Variants in ZEB1 observed in about 807,000 individuals in gnomAD.
The protein encoded by ZEB1 is zinc finger E-box-binding homeobox 1.
In ZEB1, 21 loss-of-function variants were observed where a neutral mutation model predicts 84.9. The observed-to-expected ratio is 0.25, with a 90% CI of 0.18 to 0.36. ZEB1 has a LOEUF of 0.36. Ranked by LOEUF, ZEB1 falls within the 10% of genes least tolerant of loss-of-function variation. ZEB1 has a pLI of 1.00. For missense variants in ZEB1, 1,104 were observed against 1,330.2 expected (o/e 0.83, Z 2.65); for synonymous variants, 420 against 471.1 (o/e 0.89, Z 1.41).
intron 1 of ZEB1, among the ~76,000 whole-genome samples, chr10:31,400,392 A>G (rs1460807273): frequency 1.3e-5 from 2 of 152,188 alleles, no homozygotes; most frequent in African/African-American, 4.8e-5. Flanking sequence ...AATGACATGC[A>G]TGGAGCTAAA....
intron 2 of ZEB1, among the ~76,000 whole-genome samples, chr10:31,485,618 AAC>A (rs2065628454): frequency 6.6e-6 from 1 of 151,882 alleles, no homozygotes; most frequent in African/African-American, 2.4e-5. Flanking sequence ...AAAATCTGTA[AAC>A]ACTCCTATTC....
chr10:31,392,359 A>G (rs776235027), intron 1 of ZEB1, among the ~76,000 whole-genome samples: 7 of 152,212 alleles, frequency 4.6e-5, no homozygotes, highest in Non-Finnish European at 8.8e-5. Flanking sequence ...TTAAAAAAGT[A>G]GGTAATTGCC....
intron 1 of ZEB1, among the ~76,000 whole-genome samples, chr10:31,429,697 A>AG (rs2057445309): frequency 6.7e-6 from 1 of 149,110 alleles, no homozygotes; most frequent in South Asian, 2.1e-4. Flanking sequence ...AAAAAAAAAA[A>AG]GCCAGTGAAT....
chr10:31,495,811 G>A lies in ZEB1; in HGVS notation c.295G>A (p.Ala99Thr), dbSNP rs756898403. Residue 99 changes from alanine (A) to threonine (T), a missense_variant, in exon 3 of 9, where the codon GCT becomes ACT. Around this residue, in one of 7 missense-constraint regions of ZEB1, gnomAD observed 162 missense variants for 184.5 expected, o/e 0.88. Coordinates refer to ENST00000424869, the MANE Select transcript of ZEB1 (RefSeq NM_001174096.2). ...KEGQEILGPE[A>T]QADEAGCTVK... ...AGGGCAAGAAATCCTGGGGCCTGAA[G>A]CTCAGGCAGATGAAGCAGGATGTAC... 3.7e-6 allele frequency: 6 copies of A among 1,612,900 alleles called. No homozygotes were observed. In the African/African-American group the frequency reaches 6.7e-5, roughly 18 times the overall value.
At chr10:31,495,929 C>T (rs1271828470) in intron 3 of ZEB1, 91 bp downstream of exon 3, 9 of 1,351,208 alleles carry the variant, frequency 6.7e-6, no homozygotes, top group East Asian at 2.3e-5. Flanking sequence ...GAATTTAGTC[C>T]GTTTCCTTCT....
intron 1 of ZEB1, among the ~76,000 whole-genome samples, chr10:31,449,104 A>C (rs1437829895): frequency 6.6e-6 from 1 of 152,250 alleles, no homozygotes; most frequent in African/African-American, 2.4e-5. Flanking sequence ...GGTGTGGGAT[A>C]TAGTCTCATG....
At chr10:31,419,421 A>C (rs2055773901) in intron 1 of ZEB1, among the ~76,000 whole-genome samples, 1 of 152,168 alleles carries the variant, frequency 6.6e-6, no homozygotes, top group Non-Finnish European at 1.5e-5. Flanking sequence ...GAATAATATA[A>C]GATGACTTGT....
intron 1 of ZEB1, among the ~76,000 whole-genome samples, chr10:31,440,960 T>A (rs2058879143): frequency 6.6e-6 from 1 of 152,010 alleles, no homozygotes; most frequent in African/African-American, 2.4e-5. Flanking sequence ...AGAATCAATA[T>A]CGTGAAAATG....
intron 2 of ZEB1, among the ~76,000 whole-genome samples, chr10:31,489,499 T>C (rs2066209500): frequency 6.6e-6 from 1 of 151,390 alleles, no homozygotes; most frequent in East Asian, 1.9e-4. Context: ...GGATTTGGGT[T>C]TATCATTTTA....
At chr10:31,403,119 A>G (rs981725702) in intron 1 of ZEB1, among the ~76,000 whole-genome samples, 1 of 152,064 alleles carries the variant, frequency 6.6e-6, no homozygotes, top group South Asian at 2.1e-4. Context: ...TATTAGTTTT[A>G]TTACTCTACT....
intron 1 of ZEB1, among the ~76,000 whole-genome samples, chr10:31,404,218 C>A: frequency 6.7e-6 from 1 of 149,160 alleles, no homozygotes; most frequent in Non-Finnish European, 1.5e-5. Context: ...TTTTCTGCAG[C>A]CGTTTTTTTT....
chr10:31,418,455 A>T (rs544369180), intron 1 of ZEB1, among the ~76,000 whole-genome samples: 20 of 152,236 alleles, frequency 1.3e-4, no homozygotes, highest in African/African-American at 4.8e-4. Context: ...AAGGATTTTA[A>T]ATCAGTGATT....
intron 1 of ZEB1, among the ~76,000 whole-genome samples, chr10:31,368,925 C>CTA (rs2045135144): frequency 6.6e-6 from 1 of 152,174 alleles, no homozygotes; most frequent in East Asian, 1.9e-4. Flanking sequence ...ACCAGTTGAA[C>CTA]TAACAAGCAT....
At chr10:31,462,577 T>C (rs2061939872) in intron 2 of ZEB1, among the ~76,000 whole-genome samples, 1 of 151,936 alleles carries the variant, frequency 6.6e-6, no homozygotes, top group Non-Finnish European at 1.5e-5. Flanking sequence ...CAAAGTACAG[T>C]GAATATAAGG....
chr10:31,380,770 G>C (rs2047483542), intron 1 of ZEB1, among the ~76,000 whole-genome samples: 1 of 152,094 alleles, frequency 6.6e-6, no homozygotes, highest in Non-Finnish European at 1.5e-5. Flanking sequence ...AAGGTAACTT[G>C]AGATACTGCA....
chr10:31,365,282 A>G (rs2044236243), intron 1 of ZEB1, among the ~76,000 whole-genome samples: 1 of 152,196 alleles, frequency 6.6e-6, no homozygotes, highest in African/African-American at 2.4e-5. Context: ...TTGGTCAACT[A>G]TTCACCACAC....
intron 1 of ZEB1, among the ~76,000 whole-genome samples, chr10:31,331,398 T>TG (rs2036761471): frequency 6.6e-6 from 1 of 152,150 alleles, no homozygotes; most frequent in Non-Finnish European, 1.5e-5. Context: ...AAGTGTTAAA[T>TG]TCTAATATTG....
At chr10:31,502,912 C>G (rs1346738559) in intron 4 of ZEB1, among the ~76,000 whole-genome samples, 1 of 151,960 alleles carries the variant, frequency 6.6e-6, no homozygotes, top group Non-Finnish European at 1.5e-5. Context: ...AGTGGTTTTC[C>G]TGAATCTGCC....
At chr10:31,452,951 G>T (rs1488843762) in intron 1 of ZEB1, among the ~76,000 whole-genome samples, 1 of 152,020 alleles carries the variant, frequency 6.6e-6, no homozygotes, top group East Asian at 1.9e-4. Flanking sequence ...TGGCTCTGTA[G>T]AACACAACTC....
Sources: allele counts gnomAD v4.1 joint callset (sites outside exome capture counted in the v4.1 genomes callset), GRCh38; gene constraint gnomAD v4.1.1; regional missense constraint gnomAD v4.1.1; transcripts MANE v1.5; gene names NCBI Gene and HGNC (gene_info 2026-07-23, HGNC 2026-07-21).